The following ZNF827 variants were observed in gnomAD, a reference collection of about 807,000 sequenced individuals.
ZNF827 encodes zinc finger protein 827.
ZNF827 carries 13 observed loss-of-function variants against 102.4 expected under a neutral mutation model. That is an observed-to-expected ratio of 0.13 (90% CI 0.08 to 0.20). ZNF827 has a LOEUF of 0.20. ZNF827 is among the 10% of genes least tolerant of loss of function. The probability of loss-of-function intolerance (pLI) is 1.00; values close to 1 mark genes in which losing one functional copy is unlikely to be tolerated. For missense variants in ZNF827, 1,103 were observed against 1,344.4 expected (o/e 0.82, Z 2.81); for synonymous variants, 523 against 536.2 (o/e 0.98, Z 0.34).
intron 8 of ZNF827, among the ~76,000 whole-genome samples, chr4:145,795,435 ACT>A (rs1416305570): frequency 6.6e-5 from 10 of 152,232 alleles, no homozygotes; most frequent in African/African-American, 2.4e-4. Context: ...GGCATGAGCC[ACT>A]GTGCCCGGCT....
rs577804565 is a variant in ZNF827 at position 145,821,693 on chromosome 4, T to C, written c.2383+1729A>G. 4.6e-5 allele frequency among the ~76,000 whole-genome samples: 7 copies of C among 152,302 alleles called. No individual in the cohort carries two copies. The South Asian group carries it at 1.5e-3, about 32-fold the overall frequency. On this transcript the variant is annotated intron_variant, in intron 8 of 14. Transcript: ENST00000508784. ...ATCTTTCAGCAGGGCGAATTTACAT[T>C]TTAAAAATCTCAGTTATGCTGACCT...
intron 3 of ZNF827, among the ~76,000 whole-genome samples, chr4:145,888,900 T>C (rs528811153): frequency 2.0e-5 from 3 of 152,326 alleles, no homozygotes; most frequent in Admixed American, 2.0e-4. Flanking sequence ...ATTTGCACGA[T>C]ATATTATGAA....
In ZNF827 at chr4:145,761,101, G is replaced by C. The variant is rs558142715; in HGVS notation, c.*515C>G. 2 of 1,289,494 alleles carry C rather than the reference G, an allele frequency of 1.6e-6. No homozygotes were observed. Among genetic ancestry groups the C allele is most frequent in the African/African-American group, 3.0e-5 (2 of 65,882 alleles). The allele number at this position is 1,289,494 out of a possible 1,614,324, so 79.9% of individuals were successfully genotyped here. On this transcript the variant is annotated 3_prime_UTR_variant, in exon 15 of 15. Transcript: ENST00000508784. This position sits in a 1 kb window ranked among gnomAD's most constrained non-coding sequence, Gnocchi z 6.8. ...TGACAGGGGAGACAGGAGATTCCGG[G>C]AGCTCCCGACCACCAGGAGCGGGGC...
At chr4:145,788,305 T>C (rs1354451041) in intron 8 of ZNF827, among the ~76,000 whole-genome samples, 1 of 152,162 alleles carries the variant, frequency 6.6e-6, no homozygotes, top group Non-Finnish European at 1.5e-5. Context: ...ATTCCTTGGG[T>C]AACAGAAATG....
intron 1 of ZNF827, among the ~76,000 whole-genome samples, chr4:145,926,522 C>T (rs1416719681): frequency 6.6e-6 from 1 of 152,190 alleles, no homozygotes; most frequent in Non-Finnish European, 1.5e-5. Context: ...GAATTCCATA[C>T]TTAAATTCTT....
intron 5 of ZNF827, among the ~76,000 whole-genome samples, chr4:145,850,586 G>A (rs1176776975): frequency 6.6e-6 from 1 of 152,162 alleles, no homozygotes; most frequent in Non-Finnish European, 1.5e-5. Context: ...TTTTGTAAGG[G>A]TGGAGTGTCT....
intron 1 of ZNF827, among the ~76,000 whole-genome samples, chr4:145,936,897 C>T (rs1351870135): frequency 6.6e-6 from 1 of 152,092 alleles, no homozygotes; most frequent in East Asian, 1.9e-4. Flanking sequence ...GCCAAACCGC[C>T]GGGAGAGGGG....
At chr4:145,923,356 G>A (rs1156230946) in intron 1 of ZNF827, among the ~76,000 whole-genome samples, 1 of 151,774 alleles carries the variant, frequency 6.6e-6, no homozygotes, top group African/African-American at 2.4e-5. Flanking sequence ...TGTAATACCA[G>A]CACTTTGGGA....
chr4:145,795,012 C>T lies in ZNF827; in HGVS notation c.2384-15501G>A, dbSNP rs1207958410. 2.0e-5 allele frequency among the ~76,000 whole-genome samples: 3 copies of T among 152,192 alleles called. No individual in the cohort carries two copies. In the East Asian group the frequency reaches 5.8e-4, roughly 29 times the overall value. On this transcript the variant is annotated intron_variant, in intron 8 of 14. Coordinates refer to ENST00000508784, the MANE Select transcript of ZNF827 (RefSeq NM_001306215.2). ...AAGGCTGCTGAACCACATGTACCTG[C>T]CAGACCACCCAAGAATCAGTCAGTG...
intron 13 of ZNF827, 117 bp downstream of exon 13, chr4:145,764,871 A>G (rs551096829): frequency 1.2e-4 from 166 of 1,443,204 alleles, no homozygotes; most frequent in Non-Finnish European, 1.3e-4. Flanking sequence ...AACTCCTCTC[A>G]TACCAAGCTC....
In ZNF827 at chr4:145,765,220, C is replaced by G; in HGVS notation, c.3053-55G>C. The G allele has an allele frequency of 6.6e-7, 1 of 1,514,888 alleles. No individual in the cohort carries two copies. The highest frequency in any genetic ancestry group is 8.9e-7 in the Non-Finnish European group (1 of 1,126,878). 93.8% of individuals were successfully genotyped at this position (1,514,888 alleles called of 1,614,324 possible). A position where few individuals can be genotyped will look rare whatever the true frequency, so the allele number is the denominator to read the frequency against. ...GCACAGGGCAGCGGGGAGAGGAGGG[C>G]AGGAGTGGAGCCAAGCTCCTCCCCA... On this transcript the variant is annotated intron_variant, in intron 12 of 14. Coordinates refer to ENST00000508784, the MANE Select transcript of ZNF827 (RefSeq NM_001306215.2). This position sits in a 1 kb window ranked among gnomAD's most constrained non-coding sequence, Gnocchi z 4.7.
intron 5 of ZNF827, among the ~76,000 whole-genome samples, chr4:145,861,966 G>C (rs990922727): frequency 1.8e-4 from 28 of 152,148 alleles, no homozygotes; most frequent in African/African-American, 5.8e-4. Flanking sequence ...GGAGAAAGCT[G>C]GGTCAAAAAA....
intron 8 of ZNF827, among the ~76,000 whole-genome samples, chr4:145,798,531 T>A (rs1740592166): frequency 1.3e-5 from 2 of 152,112 alleles, no homozygotes; most frequent in Admixed American, 1.3e-4. Flanking sequence ...CTAGGTGTGG[T>A]GGCGTGTACC....
At chr4:145,817,562 G>A (rs1178367723) in intron 8 of ZNF827, among the ~76,000 whole-genome samples, 1 of 152,124 alleles carries the variant, frequency 6.6e-6, no homozygotes, top group Admixed American at 6.5e-5. Context: ...AGGAACTGCC[G>A]AACACTTAAA....
At position 145,902,395 on chromosome 4, in the gene ZNF827, C is replaced by CGCTGA. The variant is rs1561059688; in HGVS notation, c.859_863dup (p.Ala289GlnfsTer5). ...TTGCGGCCACCTCCTTCAGAAGGGCCGCTGAGGAGGTCATAGAAGCCAGGG... is the reference window on the plus strand; with the variant it reads ...TTGCGGCCACCTCCTTCAGAAGGGCCGCTGAGCTGAGGAGGTCATAGAAGCCAGGG... On this transcript the variant is annotated frameshift_variant, in exon 2 of 15. Coordinates refer to ENST00000508784, the MANE Select transcript of ZNF827 (RefSeq NM_001306215.2). LOFTEE classifies it high-confidence loss of function. The surrounding 1 kb of genome is among the most constrained non-coding windows in gnomAD (Gnocchi z 4.3). The CGCTGA allele has an allele frequency of 6.2e-7, 1 of 1,613,996 alleles. No individual in the cohort carries two copies. Among genetic ancestry groups the CGCTGA allele is most frequent in the Non-Finnish European group, 8.5e-7 (1 of 1,179,970 alleles).
At chr4:145,843,964 T>C (rs1353951260) in intron 7 of ZNF827, among the ~76,000 whole-genome samples, 1 of 152,162 alleles carries the variant, frequency 6.6e-6, no homozygotes, top group Non-Finnish European at 1.5e-5. Flanking sequence ...ATTCCCTCAA[T>C]AAAGCACTTC....
intron 8 of ZNF827, among the ~76,000 whole-genome samples, chr4:145,821,201 A>T (rs1445686095): frequency 6.6e-6 from 1 of 152,230 alleles, no homozygotes; most frequent in African/African-American, 2.4e-5. Flanking sequence ...ATAAATAAAT[A>T]GCCTCCCATT....
chr4:145,895,272 A>G (rs893422016), intron 2 of ZNF827, among the ~76,000 whole-genome samples: 2 of 152,200 alleles, frequency 1.3e-5, no homozygotes, highest in Non-Finnish European at 2.9e-5. Flanking sequence ...AATGTGACCA[A>G]TGCGTTTCCT....
chr4:145,780,123 G>A (rs1349356115), intron 8 of ZNF827, among the ~76,000 whole-genome samples: 2 of 152,126 alleles, frequency 1.3e-5, no homozygotes, highest in African/African-American at 4.8e-5. Context: ...GCTGGGAGGC[G>A]GAGGTTGCAG....
Sources: allele counts gnomAD v4.1 joint callset (sites outside exome capture counted in the v4.1 genomes callset), GRCh38; gene constraint gnomAD v4.1.1; non-coding constraint Gnocchi (gnomAD v3.1); transcripts MANE v1.5; gene names NCBI Gene and HGNC (gene_info 2026-07-23, HGNC 2026-07-21).